FHIT: variants seen among roughly 807,000 people sequenced by gnomAD.
FHIT encodes fragile histidine triad diadenosine triphosphatase, also known as bis(5'-adenosyl)-triphosphatase.
Under a neutral mutation model 17.9 loss-of-function variants are expected in FHIT, and 19 were observed. The ratio of observed to expected loss-of-function variants is 1.06; its 90% CI spans 0.74 to 1.56. The LOEUF (loss-of-function observed/expected upper bound fraction) is 1.56, where lower values mean the gene tolerates loss of function less well. Among genes scored for constraint, FHIT ranks in the 40% most tolerant of loss-of-function variants. The pLI is 0.00. For missense variants in FHIT, 248 were observed against 189.2 expected (o/e 1.31, Z -1.82); for synonymous variants, 81 against 69.7 (o/e 1.16, Z -0.81).
At chr3:61,133,415 G>A (rs1320582150) in intron 2 of FHIT, among the ~76,000 whole-genome samples, 1 of 152,172 alleles carries the variant, frequency 6.6e-6, no homozygotes, top group Non-Finnish European at 1.5e-5. Flanking sequence ...TGCAATGCCA[G>A]GTAGCTGGTG....
intron 3 of FHIT, among the ~76,000 whole-genome samples, chr3:60,979,650 G>C (rs950404694): frequency 8.5e-5 from 13 of 152,110 alleles, no homozygotes; most frequent in African/African-American, 2.2e-4. Context: ...TGACACTAAA[G>C]GGTCTCAGGG....
chr3:60,041,069 G>T (rs2106832076), intron 5 of FHIT, among the ~76,000 whole-genome samples: 1 of 152,218 alleles, frequency 6.6e-6, no homozygotes, highest in South Asian at 2.1e-4. Flanking sequence ...ATAAAAAAAA[G>T]CTACTGATGC....
At position 59,855,452 on chromosome 3, in the gene FHIT, G is replaced by A. The variant is rs553375945; in HGVS notation, c.348+66894C>T. On this transcript the variant is annotated intron_variant, in intron 8 of 9. Coordinates refer to ENST00000492590, the MANE Select transcript of FHIT (RefSeq NM_002012.4). ...AAGCTGTTTTAAATTTTATAAAAAG[G>A]ATTCCATCCTTATTTAATCTTATGC... is the stretch of plus-strand genomic sequence containing the variant. Among the ~76,000 whole-genome samples the A allele has an allele frequency of 2.0e-5, 3 of 152,158 alleles. No individual in the cohort carries two copies. In the South Asian group the frequency reaches 6.2e-4, roughly 32 times the overall value.
intron 4 of FHIT, among the ~76,000 whole-genome samples, chr3:60,723,061 G>T (rs142694460): frequency 8.4e-4 from 128 of 152,150 alleles, no homozygotes; most frequent in African/African-American, 3.0e-3. Flanking sequence ...GCATCGGGAG[G>T]AAAATCCAGA....
At chr3:60,848,030 T>C (rs1206945422) in intron 3 of FHIT, among the ~76,000 whole-genome samples, 3 of 152,198 alleles carry the variant, frequency 2.0e-5, no homozygotes, top group Non-Finnish European at 4.4e-5. Flanking sequence ...CTGCATACCA[T>C]CACAAATTTA....
rs151046321 is a variant in FHIT at position 59,801,904 on chromosome 3, C to T, written c.349-49583G>A. ...AGTCCTTGTCTTTTTCTGACCACAA[C>T]CTCAAAGTCCCTAGGTCCATACCTA... On this transcript the variant is annotated intron_variant, in intron 8 of 9. Transcript: ENST00000492590. 2.3e-3 allele frequency among the ~76,000 whole-genome samples: 345 copies of T among 152,332 alleles called. 1 individual carries two copies. Among genetic ancestry groups the T allele is most frequent in the African/African-American group, 8.0e-3 (334 of 41,580 alleles).
intron 5 of FHIT, among the ~76,000 whole-genome samples, chr3:60,064,883 T>A (rs1702435930): frequency 6.6e-6 from 1 of 152,208 alleles, no homozygotes; most frequent in Non-Finnish European, 1.5e-5. Context: ...TGCCATTGGT[T>A]AATATCATAA....
chr3:60,997,260 C>T (rs1045193183), intron 3 of FHIT, among the ~76,000 whole-genome samples: 3 of 152,148 alleles, frequency 2.0e-5, no homozygotes, highest in African/African-American at 7.2e-5. Flanking sequence ...TCTAATGGAT[C>T]CAAAACCAGG....
chr3:60,886,540 G>T (rs1281761828), intron 3 of FHIT, among the ~76,000 whole-genome samples: 4 of 152,112 alleles, frequency 2.6e-5, no homozygotes, highest in African/African-American at 9.7e-5. Context: ...AGAATCTGTG[G>T]TTGCTAGAAA....
At chr3:60,276,878 C>T (rs1299655252) in intron 5 of FHIT, among the ~76,000 whole-genome samples, 4 of 152,116 alleles carry the variant, frequency 2.6e-5, no homozygotes, top group African/African-American at 7.2e-5. Context: ...AACTCACAGA[C>T]TGAGAACAAA....
chr3:60,847,183 C>T (rs1183653061), intron 3 of FHIT, among the ~76,000 whole-genome samples: 1 of 152,164 alleles, frequency 6.6e-6, no homozygotes, highest in Non-Finnish European at 1.5e-5. Context: ...AGCAGATACT[C>T]AATAGGGTGC....
At chr3:60,348,302 A>C (rs549857661) in intron 5 of FHIT, among the ~76,000 whole-genome samples, 67 of 152,228 alleles carry the variant, frequency 4.4e-4, no homozygotes, top group Non-Finnish European at 9.3e-4. Context: ...TTTTAAACCC[A>C]GTATTTCCAC....
At chr3:59,843,534 C>A (rs931406306) in intron 8 of FHIT, among the ~76,000 whole-genome samples, 5 of 152,182 alleles carry the variant, frequency 3.3e-5, no homozygotes, top group African/African-American at 1.2e-4. Context: ...ATTAAATCTT[C>A]TAATCCATAA....
At chr3:60,331,225 T>C (rs921511226) in intron 5 of FHIT, among the ~76,000 whole-genome samples, 5 of 152,194 alleles carry the variant, frequency 3.3e-5, no homozygotes, top group Admixed American at 2.0e-4. Context: ...TCTTTACTCA[T>C]CCATCAGCTT....
intron 7 of FHIT, among the ~76,000 whole-genome samples, chr3:59,975,117 G>A (rs922071709): frequency 3.9e-5 from 6 of 152,100 alleles, no homozygotes; most frequent in African/African-American, 1.4e-4. Context: ...ATTCATTACT[G>A]TATCCCAAGA....
chr3:60,155,200 G>A (rs1239887899), intron 5 of FHIT, among the ~76,000 whole-genome samples: 1 of 149,850 alleles, frequency 6.7e-6, no homozygotes, highest in African/African-American at 2.5e-5. Flanking sequence ...AAGTCACAGA[G>A]CTGGTGCCAT....
intron 8 of FHIT, among the ~76,000 whole-genome samples, chr3:59,811,613 A>G (rs1217372233): frequency 6.6e-6 from 1 of 152,198 alleles, no homozygotes; most frequent in African/African-American, 2.4e-5. Context: ...GAAAAAGAAA[A>G]TCACTTAGTG....
intron 8 of FHIT, among the ~76,000 whole-genome samples, chr3:59,847,344 T>C: frequency 6.6e-6 from 1 of 152,156 alleles, no homozygotes. Flanking sequence ...AATTCTTTCT[T>C]CTGCCTGTCA....
chr3:59,763,294 A>G (rs568743480), intron 8 of FHIT, among the ~76,000 whole-genome samples: 5 of 152,348 alleles, frequency 3.3e-5, no homozygotes, highest in East Asian at 3.9e-4. Flanking sequence ...AGAAAGAAAA[A>G]TCTGCACTAC....
Sources: allele counts gnomAD v4.1 joint callset (sites outside exome capture counted in the v4.1 genomes callset), GRCh38; gene constraint gnomAD v4.1.1; transcripts MANE v1.5; gene names NCBI Gene and HGNC (gene_info 2026-07-23, HGNC 2026-07-21).